The following SPATA6 variants were observed in gnomAD, a reference collection of about 807,000 sequenced individuals.
The protein encoded by SPATA6 is spermatogenesis-associated protein 6.
In SPATA6, 56 loss-of-function variants were observed where a neutral mutation model predicts 65.3. The ratio of observed to expected loss-of-function variants is 0.86; its 90% CI spans 0.69 to 1.07. The LOEUF is 1.07. Ranked by LOEUF, SPATA6 falls within the 50% of genes least tolerant of loss-of-function variation. The pLI is 0.00. For missense variants in SPATA6, 590 were observed against 594.8 expected (o/e 0.99, Z 0.08); for synonymous variants, 199 against 213.2 (o/e 0.93, Z 0.58).
intron 9 of SPATA6, among the ~76,000 whole-genome samples, chr1:48,381,648 CTTT>C (rs36045284): frequency 6.2e-5 from 7 of 112,376 alleles, no homozygotes; most frequent in African/African-American, 2.0e-4. Flanking sequence ...TATGGTTTTT[CTTT>C]TTTTTTTTTT....
chr1:48,347,039 G>A (rs1272338678), intron 11 of SPATA6, among the ~76,000 whole-genome samples: 1 of 151,934 alleles, frequency 6.6e-6, no homozygotes, highest in East Asian at 1.9e-4. Flanking sequence ...CAAAGTCAGA[G>A]GTAACATGCT....
chr1:48,444,615 T>C (rs551221558), intron 3 of SPATA6, among the ~76,000 whole-genome samples: 7 of 152,164 alleles, frequency 4.6e-5, no homozygotes, highest in African/African-American at 7.2e-5. Flanking sequence ...CAGAAGGACA[T>C]AGGCGGGGAC....
At chr1:48,286,492 T>C in the SPATA6 span, among the ~76,000 whole-genome samples, 13 of 152,168 alleles carry the variant, frequency 8.5e-5, no homozygotes, top group Admixed American at 8.5e-4. Context: ...GTAATACTGA[T>C]TTTTTATGTG....
intron 1 of SPATA6, among the ~76,000 whole-genome samples, chr1:48,453,835 A>G (rs373633425): frequency 9.9e-4 from 150 of 152,114 alleles, no homozygotes; most frequent in Middle Eastern, 3.4e-3. Context: ...GAAAAGAAAG[A>G]AGGAAAAAGG....
intron 11 of SPATA6, among the ~76,000 whole-genome samples, chr1:48,338,848 A>G (rs1457674679): frequency 6.6e-6 from 1 of 152,080 alleles, no homozygotes; most frequent in Non-Finnish European, 1.5e-5. Context: ...ACAAAGAATG[A>G]CTTTAATAAC....
At chr1:48,400,680 T>A (rs928228600) in intron 6 of SPATA6, 23 of 873,870 alleles carry the variant, frequency 2.6e-5, no homozygotes, top group African/African-American at 3.6e-5. Context: ...AAGAGTCAAA[T>A]TTTTTAAGTG....
the SPATA6 span, among the ~76,000 whole-genome samples, chr1:48,267,292 G>C: frequency 6.6e-6 from 1 of 152,200 alleles, no homozygotes; most frequent in South Asian, 2.1e-4. Context: ...CAGTGGGCAT[G>C]TGTTACAGTG....
chr1:48,457,455 A>G (rs1470272318), intron 1 of SPATA6, among the ~76,000 whole-genome samples: 1 of 152,040 alleles, frequency 6.6e-6, no homozygotes, highest in Non-Finnish European at 1.5e-5. Flanking sequence ...AGAAAAAAAG[A>G]AGATAATCCA....
the SPATA6 span, chr1:48,262,147 GA>G: frequency 1.3e-5 from 2 of 152,102 alleles, no homozygotes; most frequent in Non-Finnish European, 2.9e-5. Flanking sequence ...AAATGTTCAA[GA>G]CATATGTGTT....
chr1:48,325,611 C>A, intron 11 of SPATA6: 1 of 785,616 alleles, frequency 1.3e-6, no homozygotes, highest in Non-Finnish European at 2.3e-6. Context: ...TTGTTGTGGG[C>A]AGTGTTGAAC....
At chr1:48,377,338 C>T (rs1570370453) in intron 9 of SPATA6, among the ~76,000 whole-genome samples, 1 of 152,176 alleles carries the variant, frequency 6.6e-6, no homozygotes, top group Admixed American at 6.5e-5. Context: ...GCTCAATTTA[C>T]ACCATGTACC....
chr1:48,328,573 C>T (rs913441615), intron 11 of SPATA6, among the ~76,000 whole-genome samples: 1 of 151,976 alleles, frequency 6.6e-6, no homozygotes, highest in African/African-American at 2.4e-5. Flanking sequence ...AGGAATTGGA[C>T]TTGTTGCTGC....
intron 11 of SPATA6, among the ~76,000 whole-genome samples, chr1:48,308,549 T>C (rs1645118247): frequency 6.6e-6 from 1 of 152,204 alleles, no homozygotes; most frequent in Admixed American, 6.5e-5. Context: ...CATTGCTCTT[T>C]ATTTCTTCAT....
rs1281020222 is a variant in SPATA6 at position 48,359,663 on chromosome 1, C to A, written c.1017G>T (p.Leu339Phe). ...TTGTTGAGGGTGCTGAATGGACTAG[C>A]AAGGTCCTCGCTGAATGCCGGGGCT... is the stretch of plus-strand genomic sequence containing the variant. The part of the protein sequence containing the change: ...CSKPRHSART[L>F]LVHSAPSTMP... The change falls in exon 10 of 13, where the codon TTG (leucine) becomes TTT (phenylalanine). Residue 339 changes from leucine to phenylalanine, a missense_variant. By Grantham distance (22) the Leu-to-Phe change is conservative (BLOSUM62 0). Transcript: ENST00000371847. 1 of 1,613,644 alleles carries A rather than the reference C, an allele frequency of 6.2e-7. No homozygotes were observed. Among genetic ancestry groups the A allele is most frequent in the Non-Finnish European group, 8.5e-7 (1 of 1,179,832 alleles).
chr1:48,409,530 G>A (rs1448903409), intron 5 of SPATA6, among the ~76,000 whole-genome samples: 2 of 152,236 alleles, frequency 1.3e-5, no homozygotes, highest in Admixed American at 6.5e-5. Flanking sequence ...TGCCCCAGTA[G>A]GGACTCTGTG....
the SPATA6 span, among the ~76,000 whole-genome samples, chr1:48,263,746 C>T: frequency 6.6e-6 from 1 of 152,178 alleles, no homozygotes; most frequent in Non-Finnish European, 1.5e-5. Flanking sequence ...ATATCTCTTA[C>T]TATGATCTTT....
intron 11 of SPATA6, chr1:48,325,255 T>A: frequency 1.2e-6 from 1 of 821,852 alleles, no homozygotes; most frequent in Non-Finnish European, 2.0e-6. Flanking sequence ...GGTTTGGATA[T>A]GGCATAAACA....
At chr1:48,428,874 T>TGTATATATATATACAC in intron 3 of SPATA6, among the ~76,000 whole-genome samples, 1 of 69,532 alleles carries the variant, frequency 1.4e-5, no homozygotes, top group Admixed American at 1.6e-4. Flanking sequence ...TATACACGTG[T>TGTATATATATATACAC]GTGTGTGTGT....
chr1:48,331,636 C>T (rs553035793), intron 11 of SPATA6, among the ~76,000 whole-genome samples: 1 of 152,272 alleles, frequency 6.6e-6, no homozygotes, highest in South Asian at 2.1e-4. Context: ...AAGGAAGCAA[C>T]CTGGAAAACA....
Sources: allele counts gnomAD v4.1 joint callset (sites outside exome capture counted in the v4.1 genomes callset), GRCh38; gene constraint gnomAD v4.1.1; transcripts MANE v1.5; gene names NCBI Gene and HGNC (gene_info 2026-07-23, HGNC 2026-07-21).